ZNF584: variants seen among roughly 807,000 people sequenced by gnomAD.
ZNF584 encodes zinc finger protein 584.
Under a neutral mutation model 14.7 loss-of-function variants are expected in ZNF584, and 12 were observed. That is an observed-to-expected ratio of 0.82 (90% confidence interval 0.52 to 1.32). The LOEUF (loss-of-function observed/expected upper bound fraction) is 1.32. Ranked by LOEUF, ZNF584 falls within the 40% of genes most tolerant of loss-of-function variation. The probability of loss-of-function intolerance (pLI) is 0.00; values close to 1 mark genes in which losing one functional copy is unlikely to be tolerated. For missense variants in ZNF584, 478 were observed against 518.8 expected, an observed-to-expected ratio of 0.92 and a Z score of 0.76; for synonymous variants, 204 against 190.9, an observed-to-expected ratio of 1.07 and a Z score of -0.57.
intron 2 of ZNF584, among the ~76,000 whole-genome samples, chr19:58,415,114 T>G (rs568288534): frequency 2.0e-5 from 3 of 152,002 alleles, no homozygotes; most frequent in African/African-American, 7.2e-5. Context: ...AGGATAGTCT[T>G]GATCTCCTGA....
chr19:58,403,954 G>A (rs1203764589), upstream of ZNF584, among the ~76,000 whole-genome samples: 65 of 117,852 alleles, frequency 5.5e-4, no homozygotes, highest in African/African-American at 7.7e-4. Flanking sequence ...GAGCAACTCC[G>A]TCTCAAAAAA....
intron 3 of ZNF584, chr19:58,415,909 G>T (rs114725498): frequency 6.3e-7 from 1 of 1,598,976 alleles, no homozygotes; most frequent in Non-Finnish European, 8.5e-7. Flanking sequence ...GACTCAGTGC[G>T]TGTCTTGAAA....
intron 2 of ZNF584, among the ~76,000 whole-genome samples, chr19:58,413,408 C>T (rs939908361): frequency 3.3e-5 from 5 of 151,598 alleles, no homozygotes; most frequent in African/African-American, 1.2e-4. Context: ...TGCAATGGTG[C>T]GATCTCGGCT....
chr19:58,411,825 G>A (rs149250069), intron 2 of ZNF584, among the ~76,000 whole-genome samples: 3,805 of 151,366 alleles, frequency 0.025, 165 homozygotes, highest in African/African-American at 0.085. Context: ...TGTATTTTTC[G>A]TAGAGATGGG....
chr19:58,405,510 G>C (rs1438788342), upstream of ZNF584: 1 of 164,426 alleles, frequency 6.1e-6, no homozygotes, highest in Non-Finnish European at 1.3e-5. Context: ...CTTCTCAGAC[G>C]GGGCGGCTGC....
intron 2 of ZNF584, 142 bp downstream of exon 2, chr19:58,410,233 G>C: frequency 8.9e-7 from 1 of 1,120,168 alleles, no homozygotes; most frequent in Non-Finnish European, 1.2e-6. Context: ...GGTGGGACTC[G>C]GTGGTGGGAC....
intron 2 of ZNF584, among the ~76,000 whole-genome samples, chr19:58,414,362 A>G (rs1027001026): frequency 1.3e-4 from 19 of 151,014 alleles, no homozygotes; most frequent in African/African-American, 4.6e-4. Context: ...ATTTTGAGAC[A>G]GAGTCTTGCT....
In ZNF584 at chr19:58,417,672, C is replaced by G; in HGVS notation, c.1154C>G (p.Thr385Arg). 1.2e-6 allele frequency: 2 copies of G among 1,613,948 alleles called. No individual in the cohort carries two copies. The highest frequency in any genetic ancestry group is 1.7e-6 in the Non-Finnish European group (2 of 1,179,906). The change falls in exon 4 of 4, where the codon ACA becomes AGA. Residue 385 changes from threonine (T) to arginine (R), a missense_variant. By Grantham distance (71) the Thr-to-Arg change is moderately conservative (BLOSUM62 -1). Coordinates refer to ENST00000306910, the MANE Select transcript of ZNF584 (RefSeq NM_173548.3). Reference protein sequence around the residue: ...FHTEERSYECTECGKAFKHSS... With the variant: ...FHTEERSYECRECGKAFKHSS... The stretch of plus-strand genomic sequence containing the variant: ...ACTGAAGAGAGGTCTTATGAATGTA[C>G]AGAGTGTGGGAAGGCCTTCAAACAT...
intron 2 of ZNF584, among the ~76,000 whole-genome samples, chr19:58,411,977 G>GTTTT (rs869258960): frequency 1.9e-4 from 17 of 88,772 alleles, no homozygotes; most frequent in East Asian, 3.4e-4. Context: ...TATAATACTT[G>GTTTT]TTTTTTTTTT....
chr19:58,402,693 A>G (rs1161991710), intron 1 of ZNF584, among the ~76,000 whole-genome samples: 5 of 152,008 alleles, frequency 3.3e-5, no homozygotes, highest in Non-Finnish European at 7.4e-5. Flanking sequence ...GTGGTGGCAC[A>G]TGCCTGTTAT....
intron 2 of ZNF584, among the ~76,000 whole-genome samples, chr19:58,410,778 AT>A (rs869150389): frequency 4.5e-4 from 4 of 8,944 alleles, no homozygotes; most frequent in African/African-American, 2.7e-3. Flanking sequence ...TATATATATA[AT>A]TTTTTTTTTT....
chr19:58,412,335 G>A (rs1458047191), intron 2 of ZNF584, among the ~76,000 whole-genome samples: 3 of 150,390 alleles, frequency 2.0e-5, no homozygotes, highest in Non-Finnish European at 3.0e-5. Context: ...TCAGCCTCCC[G>A]AGTAGCTGGG....
chr19:58,414,866 T>C (rs1456194570), intron 2 of ZNF584, among the ~76,000 whole-genome samples: 1 of 148,180 alleles, frequency 6.7e-6, no homozygotes, highest in Non-Finnish European at 1.5e-5. Context: ...TTTTGCTTCA[T>C]AGAAAGGCTT....
At chr19:58,406,344 C>CGGGGGGGGGGAGGGGG (rs2052472868), upstream of ZNF584, 1 of 24,400 alleles carries the variant, frequency 4.1e-5, no homozygotes, top group South Asian at 1.4e-3. Context: ...GTGGAAAGAG[C>CGGGGGGGGGGAGGGGG]GGGGGGGGGG....
intron 3 of ZNF584, chr19:58,416,609 T>G: frequency 2.1e-6 from 1 of 468,332 alleles, no homozygotes; most frequent in Middle Eastern, 5.7e-4. Context: ...GTCGTGTTGG[T>G]CAGGCTGGTC....
rs1426586808 is a variant in ZNF584, at chr19:58,417,396, T to A, written c.878T>A (p.Ile293Asn). 11 of 1,605,996 alleles carry A rather than the reference T, an allele frequency of 6.8e-6. No individual in the cohort carries two copies. The East Asian group carries it at 2.2e-4, about 33-fold the overall frequency. The change falls in exon 4 of 4, where the codon ATT (isoleucine) becomes AAT (asparagine). Residue 293 changes from isoleucine (I) to asparagine (N), a missense_variant. Around this residue, in one of 3 missense-constraint regions of ZNF584, gnomAD observed 283 missense variants for 317.3 expected, o/e 0.89. Coordinates refer to ENST00000306910, the MANE Select transcript of ZNF584 (RefSeq NM_173548.3). The part of the protein sequence containing the change: ...STLIRHRKVH[I>N]GERPYECTEC... The stretch of plus-strand genomic sequence containing the variant: ...CTCATTCGGCACCGGAAAGTGCACA[T>A]TGGAGAAAGGCCCTATGAGTGTACA...
chr19:58,408,813 A>C lies in ZNF584; in HGVS notation c.-335A>C, dbSNP rs2052501196. Reference sequence around the variant, plus strand: ...GGAAGGCTGTCCCGGCGCCTCAGGCAGCTCTGCGTGGGCCGGGGTGACTTC... The same window carrying C: ...GGAAGGCTGTCCCGGCGCCTCAGGCCGCTCTGCGTGGGCCGGGGTGACTTC... On this transcript the variant is annotated 5_prime_UTR_variant, in exon 1 of 4. Coordinates refer to ENST00000306910, the MANE Select transcript of ZNF584 (RefSeq NM_173548.3). 2 of 272,432 alleles carry C rather than the reference A, an allele frequency of 7.3e-6. No homozygotes were observed. The highest frequency in any genetic ancestry group is 1.4e-5 in the Non-Finnish European group (2 of 143,356). The allele number at this position is 272,432 out of a possible 1,614,324, so 16.9% of individuals were successfully genotyped here.
intron 2 of ZNF584, among the ~76,000 whole-genome samples, chr19:58,412,613 G>A (rs1426010040): frequency 2.6e-5 from 4 of 152,200 alleles, no homozygotes; most frequent in African/African-American, 9.7e-5. Context: ...CAGTGGTGTA[G>A]TTTTCTTATA....
intron 2 of ZNF584, among the ~76,000 whole-genome samples, chr19:58,412,082 A>G (rs929621145): frequency 6.7e-6 from 1 of 148,900 alleles, no homozygotes; most frequent in Non-Finnish European, 1.5e-5. Flanking sequence ...CTTGGGTTCA[A>G]GTGATTCTCC....
Sources: allele counts gnomAD v4.1 joint callset (sites outside exome capture counted in the v4.1 genomes callset), GRCh38; gene constraint gnomAD v4.1.1; regional missense constraint gnomAD v4.1.1; transcripts MANE v1.5; gene names NCBI Gene and HGNC (gene_info 2026-07-23, HGNC 2026-07-21).